Variants in SCHIP1 observed in about 807,000 individuals in gnomAD.
The protein encoded by SCHIP1 is schwannomin-interacting protein 1.
In SCHIP1, 8 loss-of-function variants were observed where a neutral mutation model predicts 29.7. The ratio of observed to expected loss-of-function variants is 0.27; its 90% CI spans 0.16 to 0.49. The LOEUF (loss-of-function observed/expected upper bound fraction) is 0.49. SCHIP1 is among the 20% of genes least tolerant of loss of function. The pLI, the probability that SCHIP1 is intolerant of heterozygous loss-of-function variation, is 0.99. For missense variants in SCHIP1, 193 were observed against 294.6 expected (o/e 0.66, Z 2.52); for synonymous variants, 76 against 94.9 (o/e 0.80, Z 1.16).
At chr3:159,457,684 T>G in the SCHIP1 span, among the ~76,000 whole-genome samples, 1 of 152,166 alleles carries the variant, frequency 6.6e-6, no homozygotes, top group African/African-American at 2.4e-5. Context: ...TCAGAGGATA[T>G]GTTCCAAGAC....
At chr3:159,275,784 A>G in the SCHIP1 span, among the ~76,000 whole-genome samples, 1 of 152,176 alleles carries the variant, frequency 6.6e-6, no homozygotes, top group African/African-American at 2.4e-5. Flanking sequence ...CAGTAGAAAA[A>G]TGTTCAGAGC....
At chr3:159,425,230 A>G in the SCHIP1 span, among the ~76,000 whole-genome samples, 1 of 152,210 alleles carries the variant, frequency 6.6e-6, no homozygotes, top group Non-Finnish European at 1.5e-5. Flanking sequence ...TGCTCCAATT[A>G]AAAGACACAG....
At chr3:159,559,520 A>T in the SCHIP1 span, among the ~76,000 whole-genome samples, 1 of 152,220 alleles carries the variant, frequency 6.6e-6, no homozygotes, top group South Asian at 2.1e-4. Flanking sequence ...TTTAGTATGT[A>T]TATTAGCTAG....
chr3:159,470,118 A>G, the SCHIP1 span, among the ~76,000 whole-genome samples: 4,131 of 152,258 alleles, frequency 0.027, 185 homozygotes, highest in African/African-American at 0.095. Context: ...AACACTAAAA[A>G]TAATAAAAAG....
chr3:159,569,347 G>A, the SCHIP1 span, among the ~76,000 whole-genome samples: 1 of 152,234 alleles, frequency 6.6e-6, no homozygotes, highest in South Asian at 2.1e-4. Flanking sequence ...GCCCCAGTGT[G>A]TGATGTTCCC....
chr3:159,835,131 C>A (rs1743545001), upstream of SCHIP1, among the ~76,000 whole-genome samples: 1 of 152,186 alleles, frequency 6.6e-6, no homozygotes, highest in Non-Finnish European at 1.5e-5. Context: ...AAAGTTATTA[C>A]TTAAGATGGT....
the SCHIP1 span, among the ~76,000 whole-genome samples, chr3:159,699,947 T>C: frequency 6.6e-6 from 1 of 152,178 alleles, no homozygotes. Flanking sequence ...AGATCTCATG[T>C]GCCTGAAAAT....
At chr3:159,717,911 G>A in the SCHIP1 span, among the ~76,000 whole-genome samples, 1 of 152,136 alleles carries the variant, frequency 6.6e-6, no homozygotes, top group East Asian at 1.9e-4. Flanking sequence ...ACCAAAGCCT[G>A]GCAGAGACAC....
At chr3:159,592,815 T>C in the SCHIP1 span, among the ~76,000 whole-genome samples, 2 of 152,102 alleles carry the variant, frequency 1.3e-5, no homozygotes, top group African/African-American at 2.4e-5. Context: ...AAGGAAACAA[T>C]AGGCCTGTGC....
the SCHIP1 span, among the ~76,000 whole-genome samples, chr3:159,467,654 A>G: frequency 2.6e-5 from 4 of 152,122 alleles, no homozygotes; most frequent in African/African-American, 4.8e-5. Flanking sequence ...CAATGTCTTA[A>G]CAATAGAAAA....
At chr3:159,793,437 C>T in the SCHIP1 span, among the ~76,000 whole-genome samples, 10 of 152,142 alleles carry the variant, frequency 6.6e-5, no homozygotes, top group African/African-American at 2.2e-4. Flanking sequence ...GTCCCATTAA[C>T]AAATTACCAC....
chr3:159,430,564 G>A, the SCHIP1 span, among the ~76,000 whole-genome samples: 1 of 152,156 alleles, frequency 6.6e-6, no homozygotes, highest in Non-Finnish European at 1.5e-5. Flanking sequence ...AAGGGAGAGA[G>A]AGAGAGAAAC....
the SCHIP1 span, among the ~76,000 whole-genome samples, chr3:159,712,573 C>T: frequency 6.6e-6 from 1 of 151,662 alleles, no homozygotes; most frequent in Non-Finnish European, 1.5e-5. Flanking sequence ...AATTAATTAG[C>T]AGGTCATGGT....
the SCHIP1 span, among the ~76,000 whole-genome samples, chr3:159,477,443 C>T: frequency 6.6e-6 from 1 of 152,176 alleles, no homozygotes; most frequent in Non-Finnish European, 1.5e-5. Context: ...TTCACCAACA[C>T]TTGCTATCCT....
chr3:159,731,398 C>T, the SCHIP1 span, among the ~76,000 whole-genome samples: 1 of 152,212 alleles, frequency 6.6e-6, no homozygotes, highest in Admixed American at 6.5e-5. Flanking sequence ...GTAAAAGGAA[C>T]CCTCAAGCTT....
At chr3:159,369,171 C>T in the SCHIP1 span, among the ~76,000 whole-genome samples, 961 of 152,290 alleles carry the variant, frequency 6.3e-3, 10 homozygotes, top group African/African-American at 0.022. Context: ...TGACAATTTT[C>T]AGTTTTTTAG....
the SCHIP1 span, among the ~76,000 whole-genome samples, chr3:159,474,557 A>ATCCATTAT: frequency 6.6e-6 from 1 of 152,136 alleles, no homozygotes; most frequent in African/African-American, 2.4e-5. Context: ...CGGTATCCAG[A>ATCCATTAT]TCCATTATTT....
chr3:159,486,885 G>A, the SCHIP1 span, among the ~76,000 whole-genome samples: 7 of 152,202 alleles, frequency 4.6e-5, no homozygotes, highest in African/African-American at 1.7e-4. Context: ...ACCTCTAGCT[G>A]CAAGGGAGTC....
the SCHIP1 span, among the ~76,000 whole-genome samples, chr3:159,828,658 G>A: frequency 6.6e-6 from 1 of 151,182 alleles, no homozygotes; most frequent in African/African-American, 2.4e-5. Flanking sequence ...TCAACATCAC[G>A]GTCTGTTCTC....
Sources: allele counts gnomAD v4.1 joint callset (sites outside exome capture counted in the v4.1 genomes callset), GRCh38; gene constraint gnomAD v4.1.1; transcripts MANE v1.5; gene names NCBI Gene and HGNC (gene_info 2026-07-23, HGNC 2026-07-21).